MACROD2: variants seen among roughly 807,000 people sequenced by gnomAD.
MACROD2 encodes mono-ADP ribosylhydrolase 2.
Under a neutral mutation model 70.4 loss-of-function variants are expected in MACROD2, and 36 were observed. The ratio of observed to expected loss-of-function variants is 0.51; its 90% CI spans 0.39 to 0.68. The LOEUF is 0.68. Ranked by LOEUF, MACROD2 falls within the 30% of genes least tolerant of loss-of-function variation. MACROD2 has a pLI of 0.00. For missense variants in MACROD2, 496 were observed against 538.4 expected, an observed-to-expected ratio of 0.92 and a Z score of 0.78; for synonymous variants, 172 against 178.8, an observed-to-expected ratio of 0.96 and a Z score of 0.30.
At chr20:15,641,201 T>C (rs1344069979) in intron 8 of MACROD2, among the ~76,000 whole-genome samples, 2 of 152,224 alleles carry the variant, frequency 1.3e-5, no homozygotes, top group African/African-American at 4.8e-5. Flanking sequence ...CCATGCCTCC[T>C]CTTGCCTCAT....
Position 14,199,839 on chromosome 20 carries a change from G to A in MACROD2, c.271+114111G>A, listed in dbSNP as rs60705742. 3.9e-3 allele frequency among the ~76,000 whole-genome samples: 596 copies of A among 152,242 alleles called. 6 individuals are homozygous for A. Among genetic ancestry groups the A allele is most frequent in the African/African-American group, 0.014 (571 of 41,542 alleles). ...TCATTTAAAAATGAAAAACAAAAAT[G>A]AGATACAGGGAAGGTAAGTGGACTG... On this transcript the variant is annotated intron_variant, in intron 3 of 17. Coordinates refer to ENST00000684519, the MANE Select transcript of MACROD2 (RefSeq NM_001351661.2).
chr20:16,007,979 A>G (rs551426545), intron 15 of MACROD2, among the ~76,000 whole-genome samples: 1 of 152,342 alleles, frequency 6.6e-6, no homozygotes, highest in African/African-American at 2.4e-5. Context: ...GAAAGCCTTG[A>G]TGATTTCCTT....
intron 5 of MACROD2, among the ~76,000 whole-genome samples, chr20:14,745,452 G>A (rs1388078350): frequency 6.6e-6 from 1 of 152,126 alleles, no homozygotes; most frequent in African/African-American, 2.4e-5. Context: ...ACAGCACTGA[G>A]GACATGCCTC....
intron 4 of MACROD2, among the ~76,000 whole-genome samples, chr20:14,587,781 G>C (rs79637024): frequency 0.02 from 3,047 of 151,924 alleles, 49 homozygotes; most frequent in Non-Finnish European, 0.034. Context: ...TTAATCTTTT[G>C]ATGTGTTGCT....
chr20:15,042,220 A>G (rs1227239546), intron 5 of MACROD2, among the ~76,000 whole-genome samples: 1 of 152,214 alleles, frequency 6.6e-6, no homozygotes, highest in Non-Finnish European at 1.5e-5. Flanking sequence ...GAATTTGCTG[A>G]TGACTGGAAA....
At chr20:15,071,520 T>C (rs1007284465) in intron 5 of MACROD2, among the ~76,000 whole-genome samples, 11 of 152,336 alleles carry the variant, frequency 7.2e-5, no homozygotes, top group African/African-American at 2.6e-4. Context: ...TATTTGAAAC[T>C]TTATGCAAAA....
intron 8 of MACROD2, among the ~76,000 whole-genome samples, chr20:15,734,242 C>T (rs574925369): frequency 2.0e-5 from 3 of 152,176 alleles, no homozygotes; most frequent in South Asian, 2.1e-4. Context: ...TGAAGCATGA[C>T]GCCAGAGAGA....
At chr20:15,815,292 T>C (rs1040424528) in intron 8 of MACROD2, among the ~76,000 whole-genome samples, 1 of 152,198 alleles carries the variant, frequency 6.6e-6, no homozygotes, top group Non-Finnish European at 1.5e-5. Flanking sequence ...TGGACACCTC[T>C]CTAAAGTGCC....
intron 3 of MACROD2, among the ~76,000 whole-genome samples, chr20:14,175,625 T>C (rs531285773): frequency 2.6e-5 from 4 of 152,324 alleles, no homozygotes; most frequent in South Asian, 4.1e-4. Context: ...CACAGGGTGC[T>C]AGAGTTGGAT....
At chr20:14,578,043 C>A (rs1162616331) in intron 4 of MACROD2, among the ~76,000 whole-genome samples, 1 of 151,966 alleles carries the variant, frequency 6.6e-6, no homozygotes. Flanking sequence ...GTTGTTCTTT[C>A]TAGTCTATGA....
chr20:15,304,743 A>AAT (rs1260506686), intron 6 of MACROD2, among the ~76,000 whole-genome samples: 2 of 151,978 alleles, frequency 1.3e-5, no homozygotes, highest in African/African-American at 4.8e-5. Flanking sequence ...TAAAAAAAAA[A>AAT]GTTTAAATAT....
At position 14,650,893 on chromosome 20, in the gene MACROD2, A is replaced by G. The variant is rs61489371; in HGVS notation, c.302-33950A>G. Among the ~76,000 whole-genome samples, 1,012 of 152,276 alleles carry G rather than the reference A, an allele frequency of 6.6e-3. 11 individuals carry two copies. Among genetic ancestry groups the G allele is most frequent in the African/African-American group, 0.023 (969 of 41,550 alleles). ...TATGATAAGCATTCACAGTTTGAAAAACCCCAAACAGGGATAGTTAAGTTG... is the reference window on the plus strand; with the variant it reads ...TATGATAAGCATTCACAGTTTGAAAGACCCCAAACAGGGATAGTTAAGTTG... On this transcript the variant is annotated intron_variant, in intron 4 of 17. Coordinates refer to ENST00000684519, the MANE Select transcript of MACROD2 (RefSeq NM_001351661.2).
At chr20:14,327,586 G>A (rs1441565276) in intron 3 of MACROD2, 39 of 1,443,884 alleles carry the variant, frequency 2.7e-5, no homozygotes, top group Non-Finnish European at 3.4e-5. Flanking sequence ...AAAAAAGACA[G>A]AAAACAATAA....
At chr20:15,852,292 T>G (rs1369006462) in intron 8 of MACROD2, among the ~76,000 whole-genome samples, 1 of 152,134 alleles carries the variant, frequency 6.6e-6, no homozygotes, top group Non-Finnish European at 1.5e-5. Context: ...GAAGAGCAAT[T>G]TATCAAAACA....
intron 8 of MACROD2, among the ~76,000 whole-genome samples, chr20:15,541,727 G>C (rs1187915607): frequency 1.3e-5 from 2 of 152,030 alleles, no homozygotes; most frequent in African/African-American, 4.8e-5. Context: ...ACTCCTTATT[G>C]CCCAATATAC....
intron 10 of MACROD2, among the ~76,000 whole-genome samples, chr20:15,897,198 G>A (rs2064986121): frequency 6.6e-6 from 1 of 152,086 alleles, no homozygotes; most frequent in African/African-American, 2.4e-5. Flanking sequence ...GTATTGGTGG[G>A]TAAAAATTTG....
chr20:15,603,819 A>G (rs2146693955), intron 8 of MACROD2, among the ~76,000 whole-genome samples: 1 of 152,344 alleles, frequency 6.6e-6, no homozygotes, highest in East Asian at 1.9e-4. Flanking sequence ...GACCTTTTAG[A>G]GGACATCAAA....
chr20:15,757,370 CA>C (rs939291162), intron 8 of MACROD2, among the ~76,000 whole-genome samples: 1 of 143,890 alleles, frequency 6.9e-6, no homozygotes, highest in Non-Finnish European at 1.5e-5. Context: ...CTTAGTAGGG[CA>C]ATTTTTTTTT....
chr20:14,725,064 C>G (rs1427840085), intron 5 of MACROD2, among the ~76,000 whole-genome samples: 3 of 151,960 alleles, frequency 2.0e-5, no homozygotes, highest in Non-Finnish European at 2.9e-5. Context: ...CAGGCTTGCT[C>G]ATGGATTGGA....
Sources: gnomAD v4.1 joint callset for allele counts (sites outside exome capture counted in the v4.1 genomes callset) on GRCh38, gnomAD v4.1.1 for gene constraint, MANE v1.5 for transcripts, NCBI Gene and HGNC (gene_info 2026-07-23, HGNC 2026-07-21) for gene names.